Variants in RB1 observed in about 807,000 individuals in gnomAD.
RB1 encodes the protein retinoblastoma-associated protein.
In RB1, 18 loss-of-function variants were observed where a neutral mutation model predicts 135.4. The ratio of observed to expected loss-of-function variants is 0.13; its 90% confidence interval spans 0.09 to 0.20. The LOEUF is 0.20. Among genes scored for constraint, RB1 ranks in the 10% least tolerant of loss-of-function variants. The pLI is 1.00. For synonymous variants in RB1, 365 were observed against 373.2 expected (o/e 0.98, Z 0.25); for missense variants, 868 against 1,110.0 (o/e 0.78, Z 3.10).
intron 17 of RB1, 100 bp downstream of exon 17, chr13:48,381,543 A>C (rs1202905829): frequency 9.4e-7 from 1 of 1,064,818 alleles, no homozygotes; most frequent in Non-Finnish European, 1.4e-6. Context: ...AAGAACATAT[A>C]GGGAATTTAA....
intron 2 of RB1, among the ~76,000 whole-genome samples, chr13:48,330,936 A>G (rs1952328976): frequency 6.6e-6 from 1 of 152,224 alleles, no homozygotes; most frequent in African/African-American, 2.4e-5. Context: ...AAGGGATCAT[A>G]CATCATGATG....
intron 6 of RB1, among the ~76,000 whole-genome samples, chr13:48,359,072 A>T (rs1488462777): frequency 6.6e-6 from 1 of 152,146 alleles, no homozygotes; most frequent in Non-Finnish European, 1.5e-5. Flanking sequence ...TAGCAGTCAG[A>T]TACTCAGAAA....
In RB1 at chr13:48,480,985, T is replaced by G. The variant is rs545016882; in HGVS notation, c.*914T>G. 1 of 228,500 alleles carries G rather than the reference T, an allele frequency of 4.4e-6. No individual in the cohort carries two copies. Among genetic ancestry groups the G allele is most frequent in the Admixed American group, 5.7e-5 (1 of 17,660 alleles). The allele number at this position is 228,500 out of a possible 1,614,324, so 14.2% of individuals were successfully genotyped here. The stretch of plus-strand genomic sequence containing the variant: ...TCTAATGTTTCTGGGTCCTGAAGAA[T>G]TAAGATACAAATTAATTTTACTCCA... On this transcript the variant is annotated 3_prime_UTR_variant, in exon 27 of 27. Transcript: ENST00000267163.
chr13:48,416,112 G>A (rs762494016), intron 17 of RB1, among the ~76,000 whole-genome samples: 55 of 152,036 alleles, frequency 3.6e-4, no homozygotes, highest in Non-Finnish European at 2.6e-4. Context: ...TGGGGGGAGC[G>A]AAAATTAAAC....
At chr13:48,436,433 A>G (rs1316580603) in intron 17 of RB1, among the ~76,000 whole-genome samples, 1 of 152,210 alleles carries the variant, frequency 6.6e-6, no homozygotes, top group Non-Finnish European at 1.5e-5. Context: ...ACCTGCGGTC[A>G]GAAGTTCGAG....
intron 17 of RB1, chr13:48,411,452 A>AT (rs1262853461): frequency 6.2e-7 from 1 of 1,613,484 alleles, no homozygotes; most frequent in Non-Finnish European, 8.5e-7. Flanking sequence ...GCTGAATAAA[A>AT]TTCTCTGCAC....
chr13:48,399,307 G>A (rs1042965197), intron 17 of RB1, among the ~76,000 whole-genome samples: 2 of 151,616 alleles, frequency 1.3e-5, no homozygotes, highest in African/African-American at 2.4e-5. Flanking sequence ...AAAATGTAAC[G>A]ACAAAGAAGG....
intron 17 of RB1, among the ~76,000 whole-genome samples, chr13:48,438,057 G>T (rs1466172664): frequency 6.6e-6 from 1 of 152,068 alleles, no homozygotes; most frequent in Non-Finnish European, 1.5e-5. Flanking sequence ...GCTTGGCACT[G>T]GAATTTTATT....
At chr13:48,390,216 AATTC>A (rs1472411017) in intron 17 of RB1, among the ~76,000 whole-genome samples, 1 of 152,216 alleles carries the variant, frequency 6.6e-6, no homozygotes, top group Middle Eastern at 3.2e-3. Flanking sequence ...TTCATTAAAT[AATTC>A]ATTCATTAAA....
chr13:48,360,234 A>G, intron 7 of RB1, 107 bp downstream of exon 7: 7 of 1,549,628 alleles, frequency 4.5e-6, no homozygotes, highest in Non-Finnish European at 6.1e-6. Context: ...GATAAAAAAT[A>G]AATCAGACAT....
chr13:48,465,386 A>G lies in RB1; in HGVS notation c.2489+18A>G, dbSNP rs2138346372. On this transcript the variant is annotated intron_variant, in intron 23 of 26. Coordinates refer to ENST00000267163, the MANE Select transcript of RB1 (RefSeq NM_000321.3). The stretch of plus-strand genomic sequence containing the variant: ...AGATCAAGGTGTGTGTTTTCTCTTT[A>G]GGGAAGTAGTAAAGAATGAGAGGGG... 8 of 1,570,698 alleles carry G rather than the reference A, an allele frequency of 5.1e-6. No homozygotes were observed. The highest frequency in any genetic ancestry group is 7.0e-6 in the Non-Finnish European group (8 of 1,140,594).
chr13:48,319,448 T>C lies in RB1; in HGVS notation c.264+12042T>C. ...CCTGCGCCGCACTTGTGACTTGCTT[T>C]CCCCTTCTCAGGGCGCCAGCGCTCC... On this transcript the variant is annotated intron_variant, in intron 2 of 26. Transcript: ENST00000267163. This position sits in a 1 kb window ranked among gnomAD's most constrained non-coding sequence, Gnocchi z 5.0. The C allele has an allele frequency of 2.9e-6, 1 of 348,864 alleles. No individual in the cohort carries two copies. Among genetic ancestry groups the C allele is most frequent in the Non-Finnish European group, 5.4e-6 (1 of 184,842 alleles). 21.6% of individuals were successfully genotyped at this position (348,864 alleles called of 1,614,324 possible).
rs758845850 is a variant in RB1 at position 48,463,852 on chromosome 13, A to G, written c.2211+17A>G. 2.7e-6 allele frequency: 4 copies of G among 1,506,052 alleles called. No individual in the cohort carries two copies. The highest frequency in any genetic ancestry group is 1.1e-5 in the South Asian group (1 of 88,676). The allele number at this position is 1,506,052 out of a possible 1,614,324, so 93.3% of individuals were successfully genotyped here. On this transcript the variant is annotated intron_variant, in intron 21 of 26. Coordinates refer to ENST00000267163, the MANE Select transcript of RB1 (RefSeq NM_000321.3). ...GTTCAGGAGGTAGGTAATTTTCCAT[A>G]GTAAGTTTTTTTGATAAATCCATAT...
chr13:48,457,316 C>G (rs192488761), intron 19 of RB1, among the ~76,000 whole-genome samples: 303 of 152,292 alleles, frequency 2.0e-3, no homozygotes, highest in Middle Eastern at 6.8e-3. Flanking sequence ...TCTGCAGCTG[C>G]TCGTCCTGAC....
At chr13:48,398,334 A>G (rs1948664290) in intron 17 of RB1, among the ~76,000 whole-genome samples, 1 of 152,162 alleles carries the variant, frequency 6.6e-6, no homozygotes, top group African/African-American at 2.4e-5. Flanking sequence ...ACAGCTAAAT[A>G]CTAGTTTCTC....
chr13:48,427,100 C>T (rs973697920), intron 17 of RB1, among the ~76,000 whole-genome samples: 2 of 152,226 alleles, frequency 1.3e-5, no homozygotes, highest in African/African-American at 4.8e-5. Flanking sequence ...ATGAGGGATC[C>T]ACCCCCCTGA....
In RB1 at chr13:48,386,726, G is replaced by A. The variant is rs189778589; in HGVS notation, c.1695+5283G>A. ...TGTATCCACCACTGAAAGCTTGACAGAGTCCTAATATATAAAATACTTTTC... is the reference window on the plus strand; with the variant it reads ...TGTATCCACCACTGAAAGCTTGACAAAGTCCTAATATATAAAATACTTTTC... On this transcript the variant is annotated intron_variant, in intron 17 of 26. Transcript: ENST00000267163. Among the ~76,000 whole-genome samples the A allele has an allele frequency of 1.5e-4, 23 of 152,276 alleles. 1 individual carries two copies. In the East Asian group the frequency reaches 4.0e-3, roughly 27 times the overall value.
chr13:48,452,690 C>T (rs2138326490), intron 17 of RB1, among the ~76,000 whole-genome samples: 1 of 152,114 alleles, frequency 6.6e-6, no homozygotes, highest in African/African-American at 2.4e-5. Context: ...CTGCTCATGT[C>T]TTCATTTCTT....
At chr13:48,370,116 G>T (rs779961935) in intron 11 of RB1, among the ~76,000 whole-genome samples, 1 of 152,150 alleles carries the variant, frequency 6.6e-6, no homozygotes, top group Admixed American at 6.5e-5. Context: ...AGCAATGTCT[G>T]AACTGAATTT....
Sources: gnomAD v4.1 joint callset for allele counts (sites outside exome capture counted in the v4.1 genomes callset) on GRCh38, gnomAD v4.1.1 for gene constraint, Gnocchi (gnomAD v3.1) non-coding constraint, MANE v1.5 for transcripts, NCBI Gene and HGNC (gene_info 2026-07-23, HGNC 2026-07-21) for gene names.